The following NWD2 variants were observed in gnomAD, a reference collection of about 807,000 sequenced individuals.
NWD2 encodes NACHT and WD repeat domain containing 2.
In NWD2, 37 loss-of-function variants were observed where a neutral mutation model predicts 132.7. That is an observed-to-expected ratio of 0.28 (90% confidence interval 0.21 to 0.37). The LOEUF (loss-of-function observed/expected upper bound fraction) is 0.37, where lower values mean the gene tolerates loss of function less well. Among genes scored for constraint, NWD2 ranks in the 10% least tolerant of loss-of-function variants. NWD2 has a pLI of 1.00. For missense variants in NWD2, 1,592 were observed against 2,122.4 expected (o/e 0.75, Z 4.91); for synonymous variants, 705 against 803.0 (o/e 0.88, Z 2.06).
chr4:37,317,027 G>C (rs1047979126), intron 1 of NWD2, among the ~76,000 whole-genome samples: 15 of 152,142 alleles, frequency 9.9e-5, no homozygotes, highest in African/African-American at 3.4e-4. Context: ...CTGTTTTTAA[G>C]CCTGACTTCT....
chr4:37,428,239 T>C (rs191760034), intron 3 of NWD2, among the ~76,000 whole-genome samples: 1 of 152,114 alleles, frequency 6.6e-6, no homozygotes, highest in Non-Finnish European at 1.5e-5. Context: ...TAGTCAGAAA[T>C]GCCCCCTAGG....
intron 2 of NWD2, among the ~76,000 whole-genome samples, chr4:37,338,807 A>G (rs1265418367): frequency 6.6e-6 from 1 of 152,122 alleles, no homozygotes; most frequent in East Asian, 1.9e-4. Flanking sequence ...TTCTCTGGAC[A>G]TGTGTTTTTG....
At chr4:37,279,346 T>C (rs1718084450) in intron 1 of NWD2, among the ~76,000 whole-genome samples, 1 of 152,122 alleles carries the variant, frequency 6.6e-6, no homozygotes, top group Non-Finnish European at 1.5e-5. Context: ...ACTAGATCTG[T>C]AGGAGAGTAA....
chr4:37,365,687 C>T (rs545775377), intron 3 of NWD2, among the ~76,000 whole-genome samples: 127 of 152,292 alleles, frequency 8.3e-4, no homozygotes, highest in African/African-American at 2.6e-3. Flanking sequence ...TAGCTTTCTT[C>T]TCAACAGTAT....
In NWD2 at chr4:37,443,963, T is replaced by C; in HGVS notation, c.1975T>C (p.Ser659Pro). 1 of 1,552,352 alleles carries C rather than the reference T, an allele frequency of 6.4e-7. No individual in the cohort carries two copies. Among genetic ancestry groups the C allele is most frequent in the Non-Finnish European group, 8.7e-7 (1 of 1,147,142 alleles). ...GAAGAAGTGTGGTCAGAAACTGGTCTCTAGGGCTCTTGGTTACATCACCAT... is the reference window on the plus strand; with the variant it reads ...GAAGAAGTGTGGTCAGAAACTGGTCCCTAGGGCTCTTGGTTACATCACCAT... ...LEKKCGQKLV[S>P]RALGYITMAK... The change falls in exon 7 of 7, where the codon TCT (serine) becomes CCT (proline). Residue 659 changes from serine to proline, a missense_variant. Ser to Pro is a moderately conservative substitution (Grantham distance 74). Around this residue, in one of 7 missense-constraint regions of NWD2, gnomAD observed 1,071 missense variants for 1,398.0 expected, o/e 0.77. Transcript: ENST00000309447. This position sits in a 1 kb window ranked among gnomAD's most constrained non-coding sequence, Gnocchi z 4.1.
chr4:37,366,374 G>A (rs1720099765), intron 3 of NWD2, among the ~76,000 whole-genome samples: 1 of 152,034 alleles, frequency 6.6e-6, no homozygotes, highest in South Asian at 2.1e-4. Flanking sequence ...TGCCCTATCA[G>A]TCTAACATAG....
chr4:37,429,067 G>C (rs1455372410), intron 3 of NWD2, among the ~76,000 whole-genome samples: 1 of 151,890 alleles, frequency 6.6e-6, no homozygotes, highest in Admixed American at 6.6e-5. Context: ...AATACCTGCT[G>C]GTTTTCTCAC....
intron 3 of NWD2, among the ~76,000 whole-genome samples, chr4:37,421,253 A>G (rs1156394488): frequency 6.6e-6 from 1 of 152,078 alleles, no homozygotes; most frequent in Non-Finnish European, 1.5e-5. Flanking sequence ...ACAGTTCTCA[A>G]TTTTGTAAGG....
rs150041691 is a variant in NWD2, at chr4:37,261,270, G to A, written c.151+16052G>A. On this transcript the variant is annotated intron_variant, in intron 1 of 6. Transcript: ENST00000309447. Reference sequence around the variant, plus strand: ...ATTAAACAAAGGCTCATCTGCTGGCGGTATCTTTGTTGCCCACTCAATAGA... The same window carrying A: ...ATTAAACAAAGGCTCATCTGCTGGCAGTATCTTTGTTGCCCACTCAATAGA... Among the ~76,000 whole-genome samples, 11 of 152,200 alleles carry A rather than the reference G, an allele frequency of 7.2e-5. No individual in the cohort carries two copies. The East Asian group carries it at 1.7e-3, about 24-fold the overall frequency.
intron 1 of NWD2, among the ~76,000 whole-genome samples, chr4:37,256,925 A>AT (rs1164097070): frequency 6.6e-6 from 1 of 152,172 alleles, no homozygotes; most frequent in Non-Finnish European, 1.5e-5. Context: ...TCTTATTAAG[A>AT]GGTGGGATCT....
intron 2 of NWD2, among the ~76,000 whole-genome samples, chr4:37,335,307 G>T (rs1374192447): frequency 2.4e-5 from 3 of 123,922 alleles, no homozygotes; most frequent in Non-Finnish European, 3.4e-5. Context: ...GGGCGGGGGG[G>T]GGGGGCTTAA....
chr4:37,323,103 A>G lies in NWD2; in HGVS notation c.152-2833A>G, dbSNP rs552070408. On this transcript the variant is annotated intron_variant, in intron 1 of 6. Coordinates refer to ENST00000309447, the MANE Select transcript of NWD2 (RefSeq NM_001144990.2). ...GCCCTTTGGTTTCTTTGCCTAAAAA[A>G]CATGGTAATAATGTTACCTATTTCA... Among the ~76,000 whole-genome samples the G allele has an allele frequency of 6.5e-4, 99 of 152,266 alleles. 1 individual carries two copies. The highest frequency in any genetic ancestry group is 2.1e-3 in the South Asian group (10 of 4,832).
At chr4:37,278,844 C>T (rs190722891) in intron 1 of NWD2, among the ~76,000 whole-genome samples, 2 of 152,252 alleles carry the variant, frequency 1.3e-5, no homozygotes, top group East Asian at 3.9e-4. Flanking sequence ...CACTCTTCAC[C>T]CTTTTAAACC....
At chr4:37,268,701 T>A (rs4832891) in intron 1 of NWD2, among the ~76,000 whole-genome samples, 14,648 of 147,898 alleles carry the variant, frequency 0.099, 1,302 homozygotes, top group African/African-American at 0.23. Flanking sequence ...TTTGTGATAA[T>A]TAGAGAAAAA....
chr4:37,301,342 C>T (rs531082259), intron 1 of NWD2, among the ~76,000 whole-genome samples: 1 of 152,092 alleles, frequency 6.6e-6, no homozygotes, highest in South Asian at 2.1e-4. Context: ...GTTGACTTCC[C>T]TGAATCTGAA....
At position 37,387,765 on chromosome 4, in the gene NWD2, T is replaced by C. The variant is rs575694727; in HGVS notation, c.357+31283T>C. 4.8e-5 allele frequency among the ~76,000 whole-genome samples: 7 copies of C among 147,184 alleles called. No homozygotes were observed. In the East Asian group the frequency reaches 1.4e-3, roughly 29 times the overall value. On this transcript the variant is annotated intron_variant, in intron 3 of 6. Coordinates refer to ENST00000309447, the MANE Select transcript of NWD2 (RefSeq NM_001144990.2). ...TCTTGGCTCACTGCAACCTCTGTCT[T>C]CCAGGTTCAAGCGATTCTCCCGCCT...
At chr4:37,392,222 A>C (rs750337933) in intron 3 of NWD2, among the ~76,000 whole-genome samples, 2 of 152,150 alleles carry the variant, frequency 1.3e-5, no homozygotes, top group Non-Finnish European at 2.9e-5. Context: ...ATTAATTAAA[A>C]CATGAATAAA....
intron 1 of NWD2, among the ~76,000 whole-genome samples, chr4:37,254,398 T>A (rs1407472937): frequency 6.6e-6 from 1 of 152,222 alleles, no homozygotes; most frequent in African/African-American, 2.4e-5. Flanking sequence ...CATTCAGACA[T>A]TAAAAATAAT....
chr4:37,372,709 T>C (rs1291439348), intron 3 of NWD2, among the ~76,000 whole-genome samples: 1 of 152,246 alleles, frequency 6.6e-6, no homozygotes, highest in African/African-American at 2.4e-5. Flanking sequence ...ATGTTTGTCA[T>C]TCTTTCCCTT....
Sources: allele counts gnomAD v4.1 joint callset (sites outside exome capture counted in the v4.1 genomes callset), GRCh38; gene constraint gnomAD v4.1.1; regional missense constraint gnomAD v4.1.1; non-coding constraint Gnocchi (gnomAD v3.1); transcripts MANE v1.5; gene names NCBI Gene and HGNC (gene_info 2026-07-23, HGNC 2026-07-21).